SORT1: variants seen among roughly 807,000 people sequenced by gnomAD.
SORT1 encodes the protein sortilin 1.
SORT1 carries 39 observed loss-of-function variants against 101.7 expected under a neutral mutation model. The ratio of observed to expected loss-of-function variants is 0.38; its 90% CI spans 0.30 to 0.50. SORT1 has a LOEUF of 0.50. Ranked by LOEUF, SORT1 falls within the 20% of genes least tolerant of loss-of-function variation. The pLI, the probability that SORT1 is intolerant of heterozygous loss-of-function variation, is 0.90. For synonymous variants in SORT1, 396 were observed against 393.7 expected (o/e 1.01, Z -0.07); for missense variants, 878 against 1,040.4 (o/e 0.84, Z 2.15).
At position 109,340,720 on chromosome 1, in the gene SORT1, T is replaced by A. The variant is rs1325299987; in HGVS notation, c.1264+4A>T. The A allele has an allele frequency of 6.2e-7, 1 of 1,613,840 alleles. No homozygotes were observed. Among genetic ancestry groups the A allele is most frequent in the East Asian group, 2.2e-5 (1 of 44,896 alleles). On this transcript the variant is annotated splice_donor_region_variant and intron_variant, in intron 10 of 19. Transcript: ENST00000256637. ...CAGTACACCACTGCGATGCCGAGAC[T>A]CACCTTCGGAGAGCACGCTTGTTAT...
In SORT1 at chr1:109,313,601, T is replaced by A. The variant is rs188840244; in HGVS notation, c.*442A>T. 27 of 181,644 alleles carry A rather than the reference T, an allele frequency of 1.5e-4. No homozygotes were observed. The highest frequency in any genetic ancestry group is 1.3e-3 in the Admixed American group (23 of 18,262). 11.3% of individuals were successfully genotyped at this position (181,644 alleles called of 1,614,324 possible). A position where few individuals can be genotyped will look rare whatever the true frequency, so the allele number is the denominator to read the frequency against. ...GCCTGTTTTCATCTCTACAGCTGTT[T>A]CGTCTCGCCAGCAGAGCCCAGGGAT... On this transcript the variant is annotated 3_prime_UTR_variant, in exon 20 of 20. Coordinates refer to ENST00000256637, the MANE Select transcript of SORT1 (RefSeq NM_002959.7).
chr1:109,318,066 T>C, intron 15 of SORT1, 97 bp from the exon 16 acceptor site: 1 of 744,768 alleles, frequency 1.3e-6, no homozygotes, highest in Non-Finnish European at 2.3e-6. Flanking sequence ...ATGGTTAACA[T>C]TCCAGTCTTG....
chr1:109,319,544 T>C (rs1364847583), intron 15 of SORT1, among the ~76,000 whole-genome samples: 2 of 152,214 alleles, frequency 1.3e-5, no homozygotes, highest in African/African-American at 4.8e-5. Context: ...TCCACGCATT[T>C]TGGCTTTGAC....
chr1:109,346,239 G>A (rs562763531), intron 7 of SORT1, among the ~76,000 whole-genome samples: 1 of 151,578 alleles, frequency 6.6e-6, no homozygotes, highest in African/African-American at 2.4e-5. Flanking sequence ...CGTGAACCCG[G>A]GATGCAGAGT....
intron 10 of SORT1, among the ~76,000 whole-genome samples, chr1:109,336,644 C>T (rs973723129): frequency 2.0e-5 from 3 of 151,902 alleles, no homozygotes; most frequent in African/African-American, 7.3e-5. Context: ...CCTGACTCTA[C>T]CAAAAATACA....
At position 109,347,502 on chromosome 1, in the gene SORT1, GGTTGTAAAGAAGATGGT is replaced by G; in HGVS notation, c.796_812del (p.Thr266LeufsTer9). 6.2e-7 allele frequency: 1 copy of G among 1,610,672 alleles called. No homozygotes were observed. The highest frequency in any genetic ancestry group is 8.5e-7 in the Non-Finnish European group (1 of 1,176,926). On this transcript the variant is annotated frameshift_variant, in exon 7 of 20. Transcript: ENST00000256637. LOFTEE classifies it high-confidence loss of function. ...ACTTACTGCAGGAGCCATTTGCATA[GGTTGTAAAGAAGATGGT>G]GTTGTCTGATCCCCTACAATGAGGC...
At chr1:109,347,889 C>T (rs756130813) in intron 6 of SORT1, among the ~76,000 whole-genome samples, 6 of 152,226 alleles carry the variant, frequency 3.9e-5, no homozygotes, top group Non-Finnish European at 8.8e-5. Context: ...TGTTGCTACA[C>T]ATTTTATGAT....
chr1:109,339,078 C>T (rs1042018190), intron 10 of SORT1, among the ~76,000 whole-genome samples: 2 of 152,004 alleles, frequency 1.3e-5, no homozygotes, highest in African/African-American at 2.4e-5. Flanking sequence ...GGGGTTTCGC[C>T]GTGTTAGCCA....
At chr1:109,392,001 G>C (rs1229284600) in intron 1 of SORT1, among the ~76,000 whole-genome samples, 4 of 152,214 alleles carry the variant, frequency 2.6e-5, no homozygotes, top group African/African-American at 9.7e-5. Context: ...CATTGCCACA[G>C]TTTTGTTGTT....
At chr1:109,378,697 ATGATATATATAT>A (rs1652009479) in intron 1 of SORT1, among the ~76,000 whole-genome samples, 1 of 91,130 alleles carries the variant, frequency 1.1e-5, no homozygotes, top group African/African-American at 4.3e-5. Flanking sequence ...GGTAGAGTGA[ATGATATATATAT>A]ATATATATAT....
chr1:109,393,548 G>C lies in SORT1; in HGVS notation c.306+4039C>G, dbSNP rs79798414. Among the ~76,000 whole-genome samples, 459 of 152,260 alleles carry C rather than the reference G, an allele frequency of 3.0e-3. 5 individuals carry two copies. Among genetic ancestry groups the C allele is most frequent in the African/African-American group, 0.011 (438 of 41,548 alleles). On this transcript the variant is annotated intron_variant, in intron 1 of 19. Transcript: ENST00000256637. Reference sequence around the variant, plus strand: ...ATCCAACTTAGTAACCAACAATAAAGTCTTCTAGGCCTGCTCAATTTCACG... The same window carrying C: ...ATCCAACTTAGTAACCAACAATAAACTCTTCTAGGCCTGCTCAATTTCACG...
intron 5 of SORT1, 112 bp downstream of exon 5, chr1:109,354,255 G>C: frequency 1.3e-6 from 1 of 751,692 alleles, no homozygotes; most frequent in Non-Finnish European, 2.1e-6. Flanking sequence ...ATGCCATAAG[G>C]AGACTTGAAA....
At chr1:109,362,826 A>G (rs1294387361) in intron 3 of SORT1, among the ~76,000 whole-genome samples, 3 of 152,084 alleles carry the variant, frequency 2.0e-5, no homozygotes, top group Non-Finnish European at 4.4e-5. Context: ...AAGAAAATAT[A>G]TGTTGTAAAT....
intron 8 of SORT1, among the ~76,000 whole-genome samples, chr1:109,343,658 A>AT (rs1460835141): frequency 6.6e-6 from 1 of 151,628 alleles, no homozygotes; most frequent in Non-Finnish European, 1.5e-5. Context: ...TTCTTTTTTT[A>AT]TTTTTTTTGA....
chr1:109,357,906 T>G (rs1015283029), intron 3 of SORT1, among the ~76,000 whole-genome samples: 1 of 152,192 alleles, frequency 6.6e-6, no homozygotes, highest in Non-Finnish European at 1.5e-5. Context: ...CCAAGAGATG[T>G]GCATAAACAA....
chr1:109,384,997 G>T (rs998547868), intron 1 of SORT1, among the ~76,000 whole-genome samples: 3 of 152,132 alleles, frequency 2.0e-5, no homozygotes, highest in African/African-American at 7.2e-5. Context: ...AGAATCCCTT[G>T]AACCTGGGAG....
intron 3 of SORT1, among the ~76,000 whole-genome samples, 172 bp from the exon 4 acceptor site, chr1:109,355,641 A>C (rs186408046): frequency 0.054 from 4,477 of 83,586 alleles, 80 homozygotes; most frequent in Admixed American, 0.073. Flanking sequence ...AGAACATTCC[A>C]CCCGCCCCCC....
intron 1 of SORT1, among the ~76,000 whole-genome samples, chr1:109,385,505 T>C (rs1036375270): frequency 6.6e-6 from 1 of 152,238 alleles, no homozygotes; most frequent in Non-Finnish European, 1.5e-5. Context: ...TTGCATTTAA[T>C]TGTTATATCT....
At chr1:109,351,070 A>C in intron 5 of SORT1, 68 bp from the exon 6 acceptor site, 1 of 1,007,552 alleles carries the variant, frequency 9.9e-7, no homozygotes, top group Non-Finnish European at 1.6e-6. Context: ...ATGACCTTTA[A>C]TATTTCATAT....
Sources: gnomAD v4.1 joint callset for allele counts (sites outside exome capture counted in the v4.1 genomes callset) on GRCh38, gnomAD v4.1.1 for gene constraint, MANE v1.5 for transcripts, NCBI Gene and HGNC (gene_info 2026-07-23, HGNC 2026-07-21) for gene names.